Variants in TRIM55 observed in about 807,000 individuals in gnomAD.
The protein encoded by TRIM55 is tripartite motif-containing protein 55.
A neutral mutation model predicts 60.9 loss-of-function variants in TRIM55; 50 were observed. The observed-to-expected ratio is 0.82, with a 90% CI of 0.65 to 1.04. The LOEUF (loss-of-function observed/expected upper bound fraction) is 1.04, where lower values mean the gene tolerates loss of function less well. Among genes scored for constraint, TRIM55 ranks in the 50% least tolerant of loss-of-function variants. The pLI, the probability that TRIM55 is intolerant of heterozygous loss-of-function variation, is 0.00. For synonymous variants in TRIM55, 237 were observed against 238.1 expected, an observed-to-expected ratio of 1.00 and a Z score of 0.04; for missense variants, 681 against 666.9, an observed-to-expected ratio of 1.02 and a Z score of -0.23.
At chr8:66,114,082 A>ACCCCCC in the TRIM55 span, among the ~76,000 whole-genome samples, 31 of 75,308 alleles carry the variant, frequency 4.1e-4, no homozygotes, top group South Asian at 1.7e-3. Context: ...AAGGAGAGAC[A>ACCCCCC]CCCCCCCCCC....
rs1810310495 is a variant in TRIM55 at position 66,149,840 on chromosome 8, C to T, written c.799C>T (p.Gln267Ter). 6.2e-7 allele frequency: 1 copy of T among 1,614,148 alleles called. No individual in the cohort carries two copies. Among genetic ancestry groups the T allele is most frequent in the Non-Finnish European group, 8.5e-7 (1 of 1,179,996 alleles). ...CTCAAAGTTGGTTGAGTCAGGAATT[C>T]AGTTTATGGATGAGCCAGAAATGGC... The part of the protein sequence containing the change: ...NVSKLVESGI[Q>*]FMDEPEMAVF... The change falls in exon 5 of 10, where the codon CAG (glutamine) becomes TAG (stop). Residue 267 changes from glutamine to a stop codon, truncating the protein, a stop_gained. Transcript: ENST00000315962. LOFTEE classifies it high-confidence loss of function.
Position 66,150,466 on chromosome 8 carries a change from G to C in TRIM55, c.985G>C (p.Glu329Gln), listed in dbSNP as rs1159460059. Residue 329 changes from glutamate to glutamine, a missense_variant and splice_region_variant, in exon 7 of 10, where the codon GAA becomes CAA. By Grantham distance (29) the Glu-to-Gln change is conservative. Coordinates refer to ENST00000315962, the MANE Select transcript of TRIM55 (RefSeq NM_184085.2). ...AATACGTGAAATTGACTTTTACAGA[G>C]GTTTGTTATTCTTTTGACCATTTGG... ...KIIREIDFYR[E>Q]DEDEEEEEGG... The C allele has an allele frequency of 6.2e-7, 1 of 1,613,902 alleles. No homozygotes were observed. Among genetic ancestry groups the C allele is most frequent in the South Asian group, 1.1e-5 (1 of 91,036 alleles).
At chr8:66,160,741 G>A (rs1221447043) in intron 9 of TRIM55, among the ~76,000 whole-genome samples, 8 of 151,902 alleles carry the variant, frequency 5.3e-5, no homozygotes, top group Admixed American at 4.6e-4. Context: ...TCGCATTGTG[G>A]TTTTGATTTG....
chr8:66,118,434 A>G, the TRIM55 span, among the ~76,000 whole-genome samples: 7 of 152,002 alleles, frequency 4.6e-5, no homozygotes, highest in Admixed American at 1.3e-4. Flanking sequence ...GTTTCTTTTC[A>G]TTAAAAATTT....
At chr8:66,156,745 C>T (rs1192620665) in intron 9 of TRIM55, among the ~76,000 whole-genome samples, 1 of 152,098 alleles carries the variant, frequency 6.6e-6, no homozygotes, top group Non-Finnish European at 1.5e-5. Flanking sequence ...AGACTTTCTG[C>T]CTCATTAGCC....
chr8:66,149,508 C>G (rs956922320), intron 4 of TRIM55, 137 bp from the exon 5 acceptor site: 20 of 674,294 alleles, frequency 3.0e-5, no homozygotes, highest in Non-Finnish European at 4.8e-5. Context: ...GGTATCCATA[C>G]CTAAATAGAC....
intron 4 of TRIM55, among the ~76,000 whole-genome samples, chr8:66,143,072 A>C (rs1335528793): frequency 6.6e-6 from 1 of 152,192 alleles, no homozygotes; most frequent in African/African-American, 2.4e-5. Flanking sequence ...TTTCAAATGA[A>C]GGTATAGCTC....
At chr8:66,146,001 A>G (rs189834503) in intron 4 of TRIM55, among the ~76,000 whole-genome samples, 6 of 152,322 alleles carry the variant, frequency 3.9e-5, no homozygotes, top group Admixed American at 3.9e-4. Flanking sequence ...GCTGGGTTTC[A>G]GTTTCCACAT....
intron 9 of TRIM55, among the ~76,000 whole-genome samples, chr8:66,169,976 T>C (rs1436593370): frequency 6.6e-6 from 1 of 151,770 alleles, no homozygotes; most frequent in East Asian, 2.0e-4. Flanking sequence ...TAAGTGTCTA[T>C]AGTGTCTGTT....
At chr8:66,130,566 G>GC (rs1164305559) in intron 2 of TRIM55, among the ~76,000 whole-genome samples, 2 of 151,432 alleles carry the variant, frequency 1.3e-5, no homozygotes, top group African/African-American at 4.9e-5. Context: ...GGGGGTCGGG[G>GC]GGGGTGACCA....
chr8:66,140,786 C>A (rs540600057), intron 4 of TRIM55, among the ~76,000 whole-genome samples: 1 of 152,206 alleles, frequency 6.6e-6, no homozygotes, highest in Non-Finnish European at 1.5e-5. Context: ...TGGTTCTGCC[C>A]GGGGTTCGTT....
intron 1 of TRIM55, among the ~76,000 whole-genome samples, chr8:66,127,754 G>A (rs1360835701): frequency 6.6e-6 from 1 of 152,148 alleles, no homozygotes; most frequent in African/African-American, 2.4e-5. Context: ...AGAATTGCTT[G>A]AACCCAGGAG....
chr8:66,154,013 T>G, intron 8 of TRIM55, 34 bp from the exon 9 acceptor site: 1 of 1,556,672 alleles, frequency 6.4e-7, no homozygotes, highest in Non-Finnish European at 8.7e-7. Flanking sequence ...CTTTTTTTTT[T>G]TCTTTACTTT....
chr8:66,150,119 G>A (rs1012684091), intron 5 of TRIM55, 98 bp from the exon 6 acceptor site: 1 of 1,386,382 alleles, frequency 7.2e-7, no homozygotes, highest in African/African-American at 1.4e-5. Context: ...TAGAAACTAA[G>A]CTATGAGATT....
intron 9 of TRIM55, among the ~76,000 whole-genome samples, chr8:66,165,675 G>A (rs1811288764): frequency 1.3e-5 from 2 of 152,110 alleles, no homozygotes; most frequent in African/African-American, 2.4e-5. Flanking sequence ...TATGCCAGGC[G>A]CCCTGACCGT....
chr8:66,127,867 T>C (rs533058885), intron 1 of TRIM55, among the ~76,000 whole-genome samples: 2 of 152,290 alleles, frequency 1.3e-5, no homozygotes, highest in South Asian at 4.1e-4. Flanking sequence ...AAAAAAACTT[T>C]ATAAAGTTGC....
At chr8:66,173,502 T>A (rs1451399831) in intron 9 of TRIM55, among the ~76,000 whole-genome samples, 2 of 152,238 alleles carry the variant, frequency 1.3e-5, no homozygotes, top group African/African-American at 4.8e-5. Flanking sequence ...CATCCAGGGC[T>A]TCTGAGCTGA....
At chr8:66,123,438 T>A (rs1808704731), upstream of TRIM55, among the ~76,000 whole-genome samples, 1 of 152,170 alleles carries the variant, frequency 6.6e-6, no homozygotes. Flanking sequence ...GTTTTACTCT[T>A]TTTCATTGAC....
chr8:66,143,712 A>C (rs1339801449), intron 4 of TRIM55, among the ~76,000 whole-genome samples: 1 of 151,946 alleles, frequency 6.6e-6, no homozygotes, highest in Non-Finnish European at 1.5e-5. Context: ...GTCACATTTT[A>C]TTCATTCATT....
Sources: gnomAD v4.1 joint callset for allele counts (sites outside exome capture counted in the v4.1 genomes callset) on GRCh38, gnomAD v4.1.1 for gene constraint, MANE v1.5 for transcripts, NCBI Gene and HGNC (gene_info 2026-07-23, HGNC 2026-07-21) for gene names.